RSF1: variants seen among roughly 807,000 people sequenced by gnomAD.
RSF1 encodes the protein remodeling and spacing factor 1, also known as HBV pX-associated protein 8.
In RSF1, 13 loss-of-function variants were observed where a neutral mutation model predicts 145.2. That is an observed-to-expected ratio of 0.09 (90% confidence interval 0.06 to 0.14). The LOEUF (loss-of-function observed/expected upper bound fraction) is 0.14, where lower values mean the gene tolerates loss of function less well. Among genes scored for constraint, RSF1 ranks in the 10% least tolerant of loss-of-function variants. The pLI is 1.00. For missense variants in RSF1, 1,517 were observed against 1,718.2 expected (o/e 0.88, Z 2.07); for synonymous variants, 577 against 592.6 (o/e 0.97, Z 0.38).
At chr11:77,719,404 T>C (rs558854838) in intron 5 of RSF1, among the ~76,000 whole-genome samples, 25 of 152,078 alleles carry the variant, frequency 1.6e-4, no homozygotes, top group Non-Finnish European at 3.4e-4. Context: ...AAGAAAAAAA[T>C]ATAAGTCCAA....
the RSF1 span, among the ~76,000 whole-genome samples, chr11:77,826,328 C>T: frequency 6.6e-6 from 1 of 151,656 alleles, no homozygotes; most frequent in Non-Finnish European, 1.5e-5. Flanking sequence ...CACCATTGCA[C>T]TCTGGCCTGG....
At chr11:77,716,261 C>A (rs1341200618) in intron 5 of RSF1, among the ~76,000 whole-genome samples, 1 of 152,108 alleles carries the variant, frequency 6.6e-6, no homozygotes, top group Admixed American at 6.6e-5. Context: ...ATTCAGTAAT[C>A]CCACTACGGG....
At chr11:77,680,386 G>A (rs1590826063) in intron 11 of RSF1, among the ~76,000 whole-genome samples, 2 of 152,146 alleles carry the variant, frequency 1.3e-5, no homozygotes, top group South Asian at 2.1e-4. Context: ...GCCGCAGTGA[G>A]CTGTGATCAT....
chr11:77,722,161 CAG>C (rs1449275348), intron 5 of RSF1, among the ~76,000 whole-genome samples: 1 of 152,124 alleles, frequency 6.6e-6, no homozygotes, highest in African/African-American at 2.4e-5. Context: ...GCCCGGGTGA[CAG>C]AGTGAGACTG....
intron 9 of RSF1, among the ~76,000 whole-genome samples, chr11:77,687,667 T>C (rs753971731): frequency 6.6e-6 from 1 of 152,048 alleles, no homozygotes; most frequent in Non-Finnish European, 1.5e-5. Flanking sequence ...GCCACTGCAC[T>C]CTAGCCTGGG....
intron 7 of RSF1, among the ~76,000 whole-genome samples, chr11:77,695,053 T>A (rs1960248620): frequency 6.6e-6 from 1 of 152,188 alleles, no homozygotes; most frequent in Admixed American, 6.5e-5. Context: ...TTGGTTAAAG[T>A]ACATCTGTTG....
chr11:77,848,264 A>T, the RSF1 span, among the ~76,000 whole-genome samples: 1 of 152,356 alleles, frequency 6.6e-6, no homozygotes, highest in East Asian at 1.9e-4. Context: ...CATGGCTTCC[A>T]CACTTGAGAG....
At chr11:77,765,932 G>A (rs1202141486) in intron 1 of RSF1, among the ~76,000 whole-genome samples, 1 of 152,052 alleles carries the variant, frequency 6.6e-6, no homozygotes, top group Non-Finnish European at 1.5e-5. Context: ...ATTTTTAGTA[G>A]AGACAGGGTT....
At chr11:77,803,511 G>A (rs1948646852) in intron 1 of RSF1, among the ~76,000 whole-genome samples, 1 of 149,808 alleles carries the variant, frequency 6.7e-6, no homozygotes. Flanking sequence ...GGGCATAGTG[G>A]CTCATGCCTG....
At chr11:77,796,102 CTTTTT>C (rs986533212) in intron 1 of RSF1, among the ~76,000 whole-genome samples, 15 of 151,852 alleles carry the variant, frequency 9.9e-5, no homozygotes, top group Admixed American at 6.6e-4. Flanking sequence ...TCTCTCTTTT[CTTTTT>C]TATTAGTATT....
rs755678493 is a variant in RSF1 at position 77,725,576 on chromosome 11, C to A, written c.702G>T (p.Glu234Asp). Residue 234 changes from glutamate to aspartate, a missense_variant, in exon 5 of 16, where the codon GAG (glutamate) becomes GAT (aspartate). By Grantham distance (45) the Glu-to-Asp change is conservative. Coordinates refer to ENST00000308488, the MANE Select transcript of RSF1 (RefSeq NM_016578.4). ...SRESPSLEDE[E>D]TKKEEETPKQ... ...TAGGTGTTTCTTCCTCTTTTTTAGT[C>A]TCCTCATCCTCTAAGCTGGGACTTT... is the stretch of plus-strand genomic sequence containing the variant. The A allele has an allele frequency of 8.2e-6, 13 of 1,591,416 alleles. 1 individual carries two copies. The South Asian group carries it at 1.5e-4, about 18-fold the overall frequency.
chr11:77,821,127 G>T, upstream of RSF1: 3 of 419,438 alleles, frequency 7.2e-6, no homozygotes, highest in Non-Finnish European at 1.3e-5. Context: ...CAACTGCAGG[G>T]CGTATTCCCG....
At chr11:77,813,602 C>G (rs180748415) in intron 1 of RSF1, 7 of 645,084 alleles carry the variant, frequency 1.1e-5, no homozygotes, top group African/African-American at 1.1e-4. Flanking sequence ...TGTTGCGGCT[C>G]GTTAGAGTGA....
At chr11:77,740,011 T>C (rs989994875) in intron 4 of RSF1, among the ~76,000 whole-genome samples, 10 of 152,198 alleles carry the variant, frequency 6.6e-5, no homozygotes, top group Admixed American at 3.3e-4. Context: ...GCACAGCAAA[T>C]AGAATATATA....
the RSF1 span, chr11:77,866,732 AAAAAAAAATATT>A: frequency 6.6e-6 from 1 of 151,868 alleles, no homozygotes; most frequent in Non-Finnish European, 1.5e-5. Flanking sequence ...TCCATCTCGA[AAAAAAAAATATT>A]AAAAAAAATA....
At chr11:77,667,623 T>A (rs190970450) in intron 15 of RSF1, 132 bp from the exon 16 acceptor site, 1 of 725,982 alleles carries the variant, frequency 1.4e-6, no homozygotes, top group African/African-American at 1.8e-5. Context: ...CTTTCAATAA[T>A]TGGCCTGATT....
intron 1 of RSF1, among the ~76,000 whole-genome samples, chr11:77,776,323 C>T (rs10899408): frequency 2.6e-5 from 4 of 152,050 alleles, no homozygotes; most frequent in Non-Finnish European, 5.9e-5. Flanking sequence ...TTAGATGTTT[C>T]TTTTATAGAA....
chr11:77,741,851 CTCACCTCCCTAA>C (rs1250790822), intron 3 of RSF1, among the ~76,000 whole-genome samples: 1 of 152,160 alleles, frequency 6.6e-6, no homozygotes, highest in East Asian at 1.9e-4. Flanking sequence ...CCAGTCTACC[CTCACCTCCCTAA>C]TCCCTGGTAA....
At chr11:77,750,729 G>GT (rs1948052973) in intron 2 of RSF1, among the ~76,000 whole-genome samples, 1 of 152,130 alleles carries the variant, frequency 6.6e-6, no homozygotes, top group African/African-American at 2.4e-5. Context: ...TTATAATTTG[G>GT]TTTTACATGC....
Sources: gnomAD v4.1 joint callset for allele counts (sites outside exome capture counted in the v4.1 genomes callset) on GRCh38, gnomAD v4.1.1 for gene constraint, MANE v1.5 for transcripts, NCBI Gene and HGNC (gene_info 2026-07-23, HGNC 2026-07-21) for gene names.